The following CLTC variants were observed in gnomAD, a reference collection of about 807,000 sequenced individuals.
The protein encoded by CLTC is clathrin heavy chain 1.
A neutral mutation model predicts 195.8 loss-of-function variants in CLTC; 16 were observed. That is an observed-to-expected ratio of 0.08 (90% confidence interval 0.06 to 0.12). The LOEUF is 0.12. Ranked by LOEUF, CLTC falls within the 10% of genes least tolerant of loss-of-function variation. The pLI, the probability that CLTC is intolerant of heterozygous loss-of-function variation, is 1.00. For missense variants in CLTC, 796 were observed against 2,027.0 expected, an observed-to-expected ratio of 0.39 and a Z score of 11.66; for synonymous variants, 667 against 689.4, an observed-to-expected ratio of 0.97 and a Z score of 0.51.
Position 59,685,829 on chromosome 17 carries a change from ATT to A in CLTC, c.4827+22_4827+23del, listed in dbSNP as rs762101868. On this transcript the variant is annotated intron_variant, in intron 30 of 31. Transcript: ENST00000269122. This position sits in a 1 kb window ranked among gnomAD's most constrained non-coding sequence, Gnocchi z 5.0. ...CAAAGGTAATGACTCTTCTAAGTGT[ATT>A]CAGAACTAGTTTCCTTGCATGTAAA... is the stretch of plus-strand genomic sequence containing the variant. 2 of 1,537,536 alleles carry A rather than the reference ATT, an allele frequency of 1.3e-6. No individual in the cohort carries two copies. The highest frequency in any genetic ancestry group is 1.9e-5 in the Admixed American group (1 of 52,658).
chr17:59,620,071 C>G lies in CLTC; in HGVS notation c.-61C>G. Reference sequence around the variant, plus strand: ...CTTCTCCTCCTCTCCCTTGGAGAGCCCGGGCAGCCACTGCCCCGCAGCCCC... The same window carrying G: ...CTTCTCCTCCTCTCCCTTGGAGAGCGCGGGCAGCCACTGCCCCGCAGCCCC... On this transcript the variant is annotated 5_prime_UTR_variant, in exon 1 of 32. Coordinates refer to ENST00000269122, the MANE Select transcript of CLTC (RefSeq NM_004859.4). 6.5e-7 allele frequency: 1 copy of G among 1,549,150 alleles called. No individual in the cohort carries two copies. The highest frequency in any genetic ancestry group is 8.9e-7 in the Non-Finnish European group (1 of 1,122,086).
Position 59,679,386 on chromosome 17 carries a change from A to G in CLTC, c.2797-11A>G. On this transcript the variant is annotated splice_polypyrimidine_tract_variant and intron_variant, in intron 17 of 31. Coordinates refer to ENST00000269122, the MANE Select transcript of CLTC (RefSeq NM_004859.4). ...TTTTACCTTGAAATTAATCTATCAT[A>G]TCTTCTTTAGGTTTGCAATGAGAAT... The G allele has an allele frequency of 1.3e-6, 2 of 1,591,544 alleles. No homozygotes were observed. The highest frequency in any genetic ancestry group is 2.3e-5 in the South Asian group (2 of 87,106).
rs749873441 is a variant in CLTC at position 59,681,520 on chromosome 17, G to A, written c.3249+42G>A. 1.2e-6 allele frequency: 2 copies of A among 1,602,576 alleles called. No individual in the cohort carries two copies. Among genetic ancestry groups the A allele is most frequent in the South Asian group, 2.2e-5 (2 of 90,312 alleles). On this transcript the variant is annotated intron_variant, in intron 20 of 31. Coordinates refer to ENST00000269122, the MANE Select transcript of CLTC (RefSeq NM_004859.4). This position sits in a 1 kb window ranked among gnomAD's most constrained non-coding sequence, Gnocchi z 5.0. ...CCTAAGTTGAATTACTAAACACTGTGCTATGAGGGTGGGCCTAATTGGTTG... is the reference window on the plus strand; with the variant it reads ...CCTAAGTTGAATTACTAAACACTGTACTATGAGGGTGGGCCTAATTGGTTG...
intron 14 of CLTC, among the ~76,000 whole-genome samples, 184 bp downstream of exon 14, chr17:59,669,124 T>C (rs1327298199): frequency 9.2e-5 from 14 of 152,074 alleles, no homozygotes. Flanking sequence ...CGGAAGGAAA[T>C]TGGTGAGTAA....
At chr17:59,644,639 C>T in intron 2 of CLTC, 156 bp downstream of exon 2, 1 of 628,976 alleles carries the variant, frequency 1.6e-6, no homozygotes, top group East Asian at 2.8e-5. Flanking sequence ...CAATCTCCAC[C>T]CCCCAGGTTC....
chr17:59,640,428 G>A (rs1177899698), intron 1 of CLTC, among the ~76,000 whole-genome samples: 1 of 144,628 alleles, frequency 6.9e-6, no homozygotes, highest in Non-Finnish European at 1.5e-5. Flanking sequence ...CCAAAGTCTT[G>A]CTCTGTCACT....
intron 1 of CLTC, among the ~76,000 whole-genome samples, chr17:59,625,109 GT>G (rs1037191372): frequency 2.7e-5 from 4 of 149,384 alleles, no homozygotes; most frequent in Non-Finnish European, 4.5e-5. Context: ...AGTGTGTGTG[GT>G]TTTTTTTTCT....
chr17:59,626,238 T>C (rs1278526905), intron 1 of CLTC, among the ~76,000 whole-genome samples: 1 of 152,240 alleles, frequency 6.6e-6, no homozygotes, highest in Non-Finnish European at 1.5e-5. Flanking sequence ...ACCATTGATG[T>C]TGTCTACTTG....
rs768293622 is a variant in CLTC at position 59,666,671 on chromosome 17, G to A, written c.1947+27G>A. ...TATTTCAGTTTCTTACCTAATAGAT[G>A]GTGTTAGTTGTGATTAATAGGTACA... On this transcript the variant is annotated intron_variant, in intron 12 of 31. Coordinates refer to ENST00000269122, the MANE Select transcript of CLTC (RefSeq NM_004859.4). The surrounding 1 kb of genome is among the most constrained non-coding windows in gnomAD (Gnocchi z 4.9). 21 of 1,590,452 alleles carry A rather than the reference G, an allele frequency of 1.3e-5. No individual in the cohort carries two copies. The highest frequency in any genetic ancestry group is 1.4e-5 in the Non-Finnish European group (16 of 1,165,040).
intron 14 of CLTC, chr17:59,671,079 A>G (rs2032838614): frequency 6.6e-6 from 1 of 152,204 alleles, no homozygotes; most frequent in Non-Finnish European, 1.5e-5. Context: ...ACTATTACTG[A>G]TAAGTGATAA....
intron 15 of CLTC, 24 bp from the exon 16 acceptor site, chr17:59,674,677 T>G (rs773959335): frequency 1.9e-6 from 3 of 1,592,778 alleles, no homozygotes; most frequent in Non-Finnish European, 2.6e-6. Flanking sequence ...ATAATAACAT[T>G]CTTCTACTTC....
At chr17:59,690,806 TGCA>T in intron 31 of CLTC, 95 bp downstream of exon 31, 2 of 907,666 alleles carry the variant, frequency 2.2e-6, no homozygotes. Flanking sequence ...GCTTCTAAAG[TGCA>T]AAAGGCTTTC....
At chr17:59,641,378 G>A (rs1341650644) in intron 1 of CLTC, among the ~76,000 whole-genome samples, 1 of 151,810 alleles carries the variant, frequency 6.6e-6, no homozygotes, top group Non-Finnish European at 1.5e-5. Context: ...TGAGGCAGGT[G>A]GACCATGAGG....
chr17:59,668,350 C>T (rs2032776358), intron 13 of CLTC, among the ~76,000 whole-genome samples: 1 of 152,128 alleles, frequency 6.6e-6, no homozygotes, highest in Non-Finnish European at 1.5e-5. Context: ...AATTCAAGAC[C>T]AGCCTGGCTA....
In CLTC at chr17:59,683,340, C is replaced by A; in HGVS notation, c.4042-47C>A. 1 of 1,600,758 alleles carries A rather than the reference C, an allele frequency of 6.2e-7. No individual in the cohort carries two copies. Among genetic ancestry groups the A allele is most frequent in the Non-Finnish European group, 8.5e-7 (1 of 1,173,198 alleles). On this transcript the variant is annotated intron_variant, in intron 25 of 31. Coordinates refer to ENST00000269122, the MANE Select transcript of CLTC (RefSeq NM_004859.4). This position sits in a 1 kb window ranked among gnomAD's most constrained non-coding sequence, Gnocchi z 6.1. ...TCAAAATATCTTATTCTTTTTAAGG[C>A]TGTTAGCTAGACTCATATCTAAAGC...
intron 8 of CLTC, 53 bp downstream of exon 8, chr17:59,661,696 T>C (rs1010493004): frequency 8.6e-6 from 13 of 1,517,264 alleles, no homozygotes; most frequent in Admixed American, 1.7e-5. Flanking sequence ...AAATATGATA[T>C]TGGCAAGTTA....
intron 1 of CLTC, among the ~76,000 whole-genome samples, chr17:59,637,899 G>C (rs1573939): frequency 0.77 from 115,972 of 149,844 alleles, 45,865 homozygotes; most frequent in East Asian, 0.93. Context: ...CTGGGCCACA[G>C]AGCAAGACCC....
chr17:59,641,671 A>G (rs898784738), intron 1 of CLTC, among the ~76,000 whole-genome samples: 1 of 151,548 alleles, frequency 6.6e-6, no homozygotes, highest in Non-Finnish European at 1.5e-5. Flanking sequence ...TTTTTTAAAT[A>G]AAGTATATCT....
intron 5 of CLTC, among the ~76,000 whole-genome samples, chr17:59,655,235 G>A (rs1199426907): frequency 6.6e-6 from 1 of 152,202 alleles, no homozygotes; most frequent in Non-Finnish European, 1.5e-5. Context: ...TAATATTGTT[G>A]TGTCTCAGGT....
Sources: gnomAD v4.1 joint callset for allele counts (sites outside exome capture counted in the v4.1 genomes callset) on GRCh38, gnomAD v4.1.1 for gene constraint, Gnocchi (gnomAD v3.1) non-coding constraint, MANE v1.5 for transcripts, NCBI Gene and HGNC (gene_info 2026-07-23, HGNC 2026-07-21) for gene names.